Variants in LARGE1 observed in about 807,000 individuals in gnomAD.
LARGE1 encodes xylosyl- and glucuronyltransferase LARGE1.
In LARGE1, 43 loss-of-function variants were observed where a neutral mutation model predicts 87.6. The ratio of observed to expected loss-of-function variants is 0.49; its 90% CI spans 0.38 to 0.63. The LOEUF is 0.63. LARGE1 is among the 30% of genes least tolerant of loss of function. The pLI is 0.00. For synonymous variants in LARGE1, 434 were observed against 394.6 expected (o/e 1.10, Z -1.18); for missense variants, 802 against 1,000.2 (o/e 0.80, Z 2.67).
In LARGE1 at chr22:33,673,862, G is replaced by A. The variant is rs59439296; in HGVS notation, c.107-23194C>T. On this transcript the variant is annotated intron_variant, in intron 2 of 14. Transcript: ENST00000397394. ...GCCCAGCTAATTTTGTGTGTTGTGG[G>A]TGTATTTTTAGTAGATACGGGGTTT... Among the ~76,000 whole-genome samples the A allele has an allele frequency of 0.024, 1,651 of 67,558 alleles. 315 individuals are homozygous for A. In the East Asian group the frequency reaches 0.29, roughly 12 times the overall value. The allele number at this position is 67,558 out of a possible 152,430, so 44.3% of individuals were successfully genotyped here. A position where few individuals can be genotyped will look rare whatever the true frequency, so the allele number is the denominator to read the frequency against.
intron 6 of LARGE1, among the ~76,000 whole-genome samples, chr22:33,450,807 C>G (rs2067884955): frequency 6.6e-6 from 1 of 150,880 alleles, no homozygotes; most frequent in Non-Finnish European, 1.5e-5. Context: ...CCTAACAAAA[C>G]TGTCCTTATG....
At chr22:33,547,172 C>A (rs1180139912) in intron 6 of LARGE1, among the ~76,000 whole-genome samples, 1 of 151,766 alleles carries the variant, frequency 6.6e-6, no homozygotes, top group South Asian at 2.1e-4. Flanking sequence ...CAGTCCCTAA[C>A]CTTTTTGGCA....
At chr22:33,730,038 A>C (rs1005071695) in intron 2 of LARGE1, among the ~76,000 whole-genome samples, 4 of 152,042 alleles carry the variant, frequency 2.6e-5, no homozygotes, top group African/African-American at 9.7e-5. Flanking sequence ...ACAGAGACCA[A>C]AATACAGTTA....
At chr22:33,522,430 T>C (rs1427573512) in intron 6 of LARGE1, among the ~76,000 whole-genome samples, 1 of 152,196 alleles carries the variant, frequency 6.6e-6, no homozygotes, top group Non-Finnish European at 1.5e-5. Flanking sequence ...CTCTGGTGCA[T>C]GCCTGTAATC....
chr22:33,568,590 A>C (rs5754612), intron 5 of LARGE1, among the ~76,000 whole-genome samples: 60,052 of 151,798 alleles, frequency 0.4, 13,926 homozygotes, highest in Non-Finnish European at 0.52. Context: ...AACAGGGAGA[A>C]ATGCCATCTC....
At chr22:33,192,313 T>A (rs946824146) in intron 11 of LARGE1, among the ~76,000 whole-genome samples, 2 of 152,220 alleles carry the variant, frequency 1.3e-5, no homozygotes, top group Non-Finnish European at 2.9e-5. Flanking sequence ...ATCTCCTTGA[T>A]GCTTTATTGG....
In LARGE1 at chr22:33,314,622, A is replaced by T. The variant is rs1384429251; in HGVS notation, c.1451+1463T>A. Among the ~76,000 whole-genome samples, 3 of 152,160 alleles carry T rather than the reference A, an allele frequency of 2.0e-5. No individual in the cohort carries two copies. In the East Asian group the frequency reaches 5.8e-4, roughly 29 times the overall value. On this transcript the variant is annotated intron_variant, in intron 11 of 14. Coordinates refer to ENST00000397394, the MANE Select transcript of LARGE1 (RefSeq NM_133642.5). ...CATTAGCTCATTTAATCCTTAGAAC[A>T]ATCCCATGGAATCTCACCCATAGGC...
chr22:33,834,412 T>C (rs2063056362), intron 1 of LARGE1, among the ~76,000 whole-genome samples: 2 of 152,328 alleles, frequency 1.3e-5, no homozygotes, highest in Non-Finnish European at 1.5e-5. Flanking sequence ...CCTTAACTGA[T>C]GACATTACCT....
rs192477891 is a variant in LARGE1 at position 33,241,853 on chromosome 22, C to T, written c.1730+62376G>A. 8.6e-5 allele frequency among the ~76,000 whole-genome samples: 13 copies of T among 151,892 alleles called. No individual in the cohort carries two copies. In the East Asian group the frequency reaches 9.7e-4, roughly 11 times the overall value. ...ATGATGGTTACCAAGGGCTGGGGGA[C>T]GGGAGAGGATGGGGAAAGCATAGCT... is the stretch of plus-strand genomic sequence containing the variant. On this transcript the variant is annotated intron_variant, in intron 11 of 11. Coordinates refer to the LARGE1 transcript ENST00000608642.
intron 3 of LARGE1, among the ~76,000 whole-genome samples, chr22:33,626,562 T>C (rs544304303): frequency 1.3e-5 from 2 of 152,306 alleles, no homozygotes; most frequent in Admixed American, 1.3e-4. Context: ...CAATTACATT[T>C]TGGGGACAAG....
intron 9 of LARGE1, among the ~76,000 whole-genome samples, chr22:33,352,089 A>G (rs927367455): frequency 6.6e-6 from 1 of 152,196 alleles, no homozygotes; most frequent in Non-Finnish European, 1.5e-5. Context: ...CCTTTACTAC[A>G]TAAGAATGGC....
At chr22:33,734,950 G>A (rs1649504698) in intron 2 of LARGE1, among the ~76,000 whole-genome samples, 1 of 152,178 alleles carries the variant, frequency 6.6e-6, no homozygotes, top group Admixed American at 6.5e-5. Flanking sequence ...TCCAAAACAT[G>A]TTCCTGGAAC....
intron 1 of LARGE1, among the ~76,000 whole-genome samples, chr22:33,809,594 A>G (rs886801008): frequency 1.3e-5 from 2 of 152,228 alleles, no homozygotes; most frequent in African/African-American, 2.4e-5. Context: ...GAAATATTAT[A>G]TAATGCTAGT....
In LARGE1 at chr22:33,355,617, T is replaced by C. The variant is rs376759995; in HGVS notation, c.1132-17816A>G. ...AACCCATGATCCATTCAATTTATGG[T>C]CTTTTCCAGAATCTCAAAAGTAGAT... On this transcript the variant is annotated intron_variant, in intron 9 of 14. Coordinates refer to ENST00000397394, the MANE Select transcript of LARGE1 (RefSeq NM_133642.5). 9.8e-4 allele frequency among the ~76,000 whole-genome samples: 149 copies of C among 152,068 alleles called. 4 individuals are homozygous for C. Among genetic ancestry groups the C allele is most frequent in the African/African-American group, 3.4e-3 (141 of 41,524 alleles).
At chr22:33,464,908 TACACATGC>T (rs2068538189) in intron 6 of LARGE1, among the ~76,000 whole-genome samples, 1 of 128,490 alleles carries the variant, frequency 7.8e-6, no homozygotes, top group Admixed American at 7.3e-5. Context: ...CACACACACA[TACACATGC>T]ACACATACAT....
intron 1 of LARGE1, among the ~76,000 whole-genome samples, chr22:33,865,939 C>T (rs1394606689): frequency 6.9e-6 from 1 of 143,972 alleles, no homozygotes; most frequent in South Asian, 2.2e-4. Flanking sequence ...ACCTCTGCCT[C>T]CCAGGCTCAA....
chr22:33,096,415 CAAA>C, the LARGE1 span, among the ~76,000 whole-genome samples: 3 of 62,952 alleles, frequency 4.8e-5, no homozygotes, highest in Admixed American at 1.7e-4. Flanking sequence ...AACTCCATCT[CAAA>C]AAAAAAAAAA....
At chr22:33,785,401 C>G (rs531955103) in intron 1 of LARGE1, among the ~76,000 whole-genome samples, 1 of 151,988 alleles carries the variant, frequency 6.6e-6, no homozygotes, top group South Asian at 2.1e-4. Flanking sequence ...CGATGAGTAA[C>G]GGGTGAACAG....
At chr22:33,301,984 C>G (rs1475681732) in intron 12 of LARGE1, among the ~76,000 whole-genome samples, 2 of 152,230 alleles carry the variant, frequency 1.3e-5, no homozygotes, top group Non-Finnish European at 2.9e-5. Context: ...AGACCACAGA[C>G]TCATACGGGG....
Sources: gnomAD v4.1 joint callset for allele counts (sites outside exome capture counted in the v4.1 genomes callset) on GRCh38, gnomAD v4.1.1 for gene constraint, MANE v1.5 for transcripts, NCBI Gene and HGNC (gene_info 2026-07-23, HGNC 2026-07-21) for gene names.